The following SYT4 variants were observed in gnomAD, a reference collection of about 807,000 sequenced individuals.
SYT4 encodes the protein synaptotagmin-4.
Under a neutral mutation model 32.9 loss-of-function variants are expected in SYT4, and 7 were observed. The ratio of observed to expected loss-of-function variants is 0.21; its 90% CI spans 0.12 to 0.40. The LOEUF (loss-of-function observed/expected upper bound fraction) is 0.40. Among genes scored for constraint, SYT4 ranks in the 10% least tolerant of loss-of-function variants. The pLI is 1.00. For missense variants in SYT4, 480 were observed against 488.0 expected (o/e 0.98, Z 0.16); for synonymous variants, 205 against 186.2 (o/e 1.10, Z -0.82).
At chr18:43,272,718 T>C (rs1474527354) in intron 2 of SYT4, among the ~76,000 whole-genome samples, 1 of 152,096 alleles carries the variant, frequency 6.6e-6, no homozygotes, top group East Asian at 1.9e-4. Flanking sequence ...AAGATCCTTA[T>C]TCCCACTGTA....
intron 1 of SYT4, 148 bp from the exon 2 acceptor site, chr18:43,274,542 T>C (rs1908734305): frequency 3.5e-6 from 2 of 565,970 alleles, no homozygotes. Context: ...TAAGTGTATA[T>C]TTCACACTAA....
At position 43,268,537 on chromosome 18, in the gene SYT4, T is replaced by C. The variant is rs1908526487; in HGVS notation, c.*1804A>G. ...CTTTTCAGAGGTCCAACATATATTCTGTTCCACGGCCCATGATACCAAATG... is the reference window on the plus strand; with the variant it reads ...CTTTTCAGAGGTCCAACATATATTCCGTTCCACGGCCCATGATACCAAATG... On this transcript the variant is annotated 3_prime_UTR_variant, in exon 4 of 4. Transcript: ENST00000255224. 6.6e-6 allele frequency: 1 copy of C among 152,188 alleles called. No homozygotes were observed. The highest frequency in any genetic ancestry group is 1.5e-5 in the Non-Finnish European group (1 of 68,030). The allele number at this position is 152,188 out of a possible 1,614,324, so 9.4% of individuals were successfully genotyped here. A position where few individuals can be genotyped will look rare whatever the true frequency, so the allele number is the denominator to read the frequency against.
chr18:43,271,149 G>T (rs992838000), intron 3 of SYT4, among the ~76,000 whole-genome samples: 1 of 151,970 alleles, frequency 6.6e-6, no homozygotes, highest in African/African-American at 2.4e-5. Flanking sequence ...TTAGTCACAG[G>T]CTGGATTTGC....
At position 43,268,913 on chromosome 18, in the gene SYT4, C is replaced by G. The variant is rs1353285815; in HGVS notation, c.*1428G>C. 2 of 152,552 alleles carry G rather than the reference C, an allele frequency of 1.3e-5. No homozygotes were observed. Among genetic ancestry groups the G allele is most frequent in the Non-Finnish European group, 2.9e-5 (2 of 68,024 alleles). The allele number at this position is 152,552 out of a possible 1,614,324, so 9.4% of individuals were successfully genotyped here. ...AAACTGCTAAAGTACTGACACAAAACCTGACTCAAAATGTAAATTTTTCAG... is the reference window on the plus strand; with the variant it reads ...AAACTGCTAAAGTACTGACACAAAAGCTGACTCAAAATGTAAATTTTTCAG... On this transcript the variant is annotated 3_prime_UTR_variant, in exon 4 of 4. Transcript: ENST00000255224.
chr18:43,273,605 C>G lies in SYT4; in HGVS notation c.824G>C (p.Arg275Thr). 6.2e-7 allele frequency: 1 copy of G among 1,611,970 alleles called. No homozygotes were observed. The highest frequency in any genetic ancestry group is 8.5e-7 in the Non-Finnish European group (1 of 1,178,878). Residue 275 changes from arginine (R) to threonine (T), a missense_variant, in exon 2 of 4, where the codon AGA becomes ACA. Transcript: ENST00000255224. ...ELSEGKMLMN[R>T]EIIKRNVRKS... The stretch of plus-strand genomic sequence containing the variant: ...CCTAACATTTCTCTTGATGATCTCT[C>G]TATTCATTAACATTTTTCCTTCAGA...
chr18:43,275,940 G>A (rs1027303853), intron 1 of SYT4, among the ~76,000 whole-genome samples: 15 of 152,180 alleles, frequency 9.9e-5, no homozygotes, highest in South Asian at 8.3e-4. Context: ...CCAAGGCCAG[G>A]GAGCAAAAGC....
chr18:43,271,997 T>G, intron 2 of SYT4, 165 bp from the exon 3 acceptor site: 1 of 664,956 alleles, frequency 1.5e-6, no homozygotes, highest in Admixed American at 3.8e-5. Flanking sequence ...AGCAGTACCA[T>G]CGCTGCTTGA....
chr18:43,269,779 T>G lies in SYT4; in HGVS notation c.*562A>C, dbSNP rs771954402. ...TTGAAATGAATCTGAGTTACTCTTA[T>G]GATAAAATTGCATCAAATAATTACA... is the stretch of plus-strand genomic sequence containing the variant. On this transcript the variant is annotated 3_prime_UTR_variant, in exon 4 of 4. Transcript: ENST00000255224. The G allele has an allele frequency of 6.5e-6, 1 of 153,892 alleles. No homozygotes were observed. The highest frequency in any genetic ancestry group is 1.5e-5 in the Non-Finnish European group (1 of 68,922). 9.5% of individuals were successfully genotyped at this position (153,892 alleles called of 1,614,324 possible).
In SYT4 at chr18:43,270,204, A is replaced by T; in HGVS notation, c.*137T>A. 1 of 869,380 alleles carries T rather than the reference A, an allele frequency of 1.2e-6. No homozygotes were observed. Among genetic ancestry groups the T allele is most frequent in the Non-Finnish European group, 1.8e-6 (1 of 556,368 alleles). The allele number at this position is 869,380 out of a possible 1,614,324, so 53.9% of individuals were successfully genotyped here. A position where few individuals can be genotyped will look rare whatever the true frequency, so the allele number is the denominator to read the frequency against. On this transcript the variant is annotated 3_prime_UTR_variant, in exon 4 of 4. Coordinates refer to ENST00000255224, the MANE Select transcript of SYT4 (RefSeq NM_020783.4). Reference sequence around the variant, plus strand: ...ATTTGAAGTTACTTTCTGGTCTACTAATTCAATCCATTTCTAGCAACAACA... The same window carrying T: ...ATTTGAAGTTACTTTCTGGTCTACTTATTCAATCCATTTCTAGCAACAACA...
chr18:43,271,924 A>G, intron 2 of SYT4, 92 bp from the exon 3 acceptor site: 2 of 1,303,896 alleles, frequency 1.5e-6, no homozygotes, highest in Non-Finnish European at 2.1e-6. Context: ...CGTCATTTAA[A>G]TATAATCTTA....
chr18:43,273,574 AATT>A lies in SYT4; in HGVS notation c.849+3_849+5del. ...ATAAATACTTTAAGCACTGAAAATA[AATT>A]ACCCTAACATTTCTCTTGATGATCT... On this transcript the variant is annotated splice_donor_5th_base_variant and intron_variant, in intron 2 of 3. Transcript: ENST00000255224. The A allele has an allele frequency of 1.3e-6, 2 of 1,580,220 alleles. No individual in the cohort carries two copies. The highest frequency in any genetic ancestry group is 1.7e-6 in the Non-Finnish European group (2 of 1,162,760).
chr18:43,268,384 TTTG>T lies in SYT4; in HGVS notation c.*1954_*1956del, dbSNP rs1908520145. The T allele has an allele frequency of 7.0e-6, 1 of 141,854 alleles. No homozygotes were observed. Among genetic ancestry groups the T allele is most frequent in the Non-Finnish European group, 1.5e-5 (1 of 66,002 alleles). 8.8% of individuals were successfully genotyped at this position (141,854 alleles called of 1,614,324 possible). On this transcript the variant is annotated 3_prime_UTR_variant, in exon 4 of 4. Coordinates refer to ENST00000255224, the MANE Select transcript of SYT4 (RefSeq NM_020783.4). ...ATTATCCATTTTAATTTTAAAAATG[TTTG>T]TTGTTGGTTTCATTGTTCCATGTTA...
At chr18:43,271,914 C>T in intron 2 of SYT4, 82 bp from the exon 3 acceptor site, 1 of 1,343,640 alleles carries the variant, frequency 7.4e-7, no homozygotes, top group Admixed American at 2.2e-5. Flanking sequence ...TAAATAACAT[C>T]GTCATTTAAA....
Position 43,270,515 on chromosome 18 carries a change from T to C in SYT4, c.1104A>G (p.Glu368=), listed in dbSNP as rs200766031. ...AAACCAAAAATTCAACACTTATATC[T>C]TCAAGGCCCTCACAAGGAATATCAA... ...FVFDIPCEGL[E]DISVEFLVLD... is the part of the protein sequence containing the mutation. The change falls in exon 4 of 4, where the codon GAA becomes GAG. Residue 368 remains glutamate (E), a synonymous_variant. Coordinates refer to ENST00000255224, the MANE Select transcript of SYT4 (RefSeq NM_020783.4). The C allele has an allele frequency of 1.7e-5, 27 of 1,613,986 alleles. No individual in the cohort carries two copies. Among genetic ancestry groups the C allele is most frequent in the Non-Finnish European group, 2.0e-5 (24 of 1,179,996 alleles).
At chr18:43,272,773 T>G (rs139760785) in intron 2 of SYT4, among the ~76,000 whole-genome samples, 117 of 152,286 alleles carry the variant, frequency 7.7e-4, no homozygotes, top group African/African-American at 2.7e-3. Flanking sequence ...GGAATGTATC[T>G]GAACCTTGAC....
In SYT4 at chr18:43,269,451, C is replaced by G. The variant is rs1419801059; in HGVS notation, c.*890G>C. 1 of 152,356 alleles carries G rather than the reference C, an allele frequency of 6.6e-6. No individual in the cohort carries two copies. Among genetic ancestry groups the G allele is most frequent in the Non-Finnish European group, 1.5e-5 (1 of 68,046 alleles). 9.4% of individuals were successfully genotyped at this position (152,356 alleles called of 1,614,324 possible). On this transcript the variant is annotated 3_prime_UTR_variant, in exon 4 of 4. Coordinates refer to ENST00000255224, the MANE Select transcript of SYT4 (RefSeq NM_020783.4). ...TACAAACGATGGCCTTAAAAGTACACTTGCACACTATACCTATTTCCTATA... is the reference window on the plus strand; with the variant it reads ...TACAAACGATGGCCTTAAAAGTACAGTTGCACACTATACCTATTTCCTATA...
chr18:43,271,587 T>C (rs564184088), intron 3 of SYT4, 125 bp downstream of exon 3: 1 of 1,299,574 alleles, frequency 7.7e-7, no homozygotes, highest in African/African-American at 1.5e-5. Context: ...AACTAAAAGC[T>C]AACTTTTATA....
In SYT4 at chr18:43,268,815, G is replaced by C. The variant is rs112857679; in HGVS notation, c.*1526C>G. 6.6e-6 allele frequency: 1 copy of C among 152,566 alleles called. No individual in the cohort carries two copies. Among genetic ancestry groups the C allele is most frequent in the Non-Finnish European group, 1.5e-5 (1 of 68,038 alleles). The allele number at this position is 152,566 out of a possible 1,614,324, so 9.5% of individuals were successfully genotyped here. On this transcript the variant is annotated 3_prime_UTR_variant, in exon 4 of 4. Coordinates refer to ENST00000255224, the MANE Select transcript of SYT4 (RefSeq NM_020783.4). ...TTTACATTAGGCATAGTCATAAAAA[G>C]CATGTATAAGTTGTTTGGAAAATGC...
In SYT4 at chr18:43,273,682, T is replaced by G; in HGVS notation, c.747A>C (p.Ser249=). The G allele has an allele frequency of 6.2e-7, 1 of 1,613,992 alleles. No homozygotes were observed. Among genetic ancestry groups the G allele is most frequent in the Non-Finnish European group, 8.5e-7 (1 of 1,179,900 alleles). The change falls in exon 2 of 4, where the codon TCA becomes TCC. Residue 249 remains serine (S), a synonymous_variant. Coordinates refer to ENST00000255224, the MANE Select transcript of SYT4 (RefSeq NM_020783.4). The part of the protein sequence containing the change: ...HFTILSFDRF[S]RDDIIGEVLI... ...GAACTTCCCCAATGATATCATCTCT[T>G]GAAAACCTGTCAAAACTCAAAATTG...
Sources: gnomAD v4.1 joint callset for allele counts (sites outside exome capture counted in the v4.1 genomes callset) on GRCh38, gnomAD v4.1.1 for gene constraint, MANE v1.5 for transcripts, NCBI Gene and HGNC (gene_info 2026-07-23, HGNC 2026-07-21) for gene names.